NUP50: variants seen among roughly 807,000 people sequenced by gnomAD.
The protein encoded by NUP50 is nucleoporin 50, also known as nuclear pore complex protein Nup50.
A neutral mutation model predicts 36.8 loss-of-function variants in NUP50; 14 were observed. That is an observed-to-expected ratio of 0.38 (90% CI 0.25 to 0.59). NUP50 has a LOEUF of 0.59. Ranked by LOEUF, NUP50 falls within the 20% of genes least tolerant of loss-of-function variation. The probability of loss-of-function intolerance (pLI) is 0.63; values close to 1 mark genes in which losing one functional copy is unlikely to be tolerated. For synonymous variants in NUP50, 195 were observed against 210.8 expected, an observed-to-expected ratio of 0.93 and a Z score of 0.65; for missense variants, 455 against 564.6, an observed-to-expected ratio of 0.81 and a Z score of 1.97.
chr22:45,169,516 C>G (rs963214326), intron 2 of NUP50, among the ~76,000 whole-genome samples: 17 of 152,316 alleles, frequency 1.1e-4, no homozygotes, highest in African/African-American at 4.1e-4. Context: ...AAATTAGATA[C>G]AGAGATGATC....
rs1211394069 is a variant in NUP50, at chr22:45,186,454, T to G, written c.*1799T>G. Reference sequence around the variant, plus strand: ...AGAACTAAGGGGAACAAATTTAAGTTTGTTGCAACTTAGCCACACATGCTT... The same window carrying G: ...AGAACTAAGGGGAACAAATTTAAGTGTGTTGCAACTTAGCCACACATGCTT... On this transcript the variant is annotated 3_prime_UTR_variant, in exon 8 of 8. Coordinates refer to ENST00000347635, the MANE Select transcript of NUP50 (RefSeq NM_007172.4). The G allele has an allele frequency of 6.6e-6, 1 of 152,230 alleles. No individual in the cohort carries two copies. The highest frequency in any genetic ancestry group is 1.5e-5 in the Non-Finnish European group (1 of 68,040). 9.4% of individuals were successfully genotyped at this position (152,230 alleles called of 1,614,324 possible).
chr22:45,181,975 C>T (rs1221251523), intron 6 of NUP50, among the ~76,000 whole-genome samples: 5 of 152,136 alleles, frequency 3.3e-5, no homozygotes, highest in African/African-American at 1.2e-4. Flanking sequence ...CAAAAATTTC[C>T]GAATAATGAG....
At chr22:45,174,048 C>T (rs2074238599) in intron 3 of NUP50, among the ~76,000 whole-genome samples, 1 of 152,040 alleles carries the variant, frequency 6.6e-6, no homozygotes, top group South Asian at 2.1e-4. Context: ...ATCATCTTGC[C>T]CTATGGAAGA....
At position 45,178,530 on chromosome 22, in the gene NUP50, A is replaced by G. The variant is rs771867044; in HGVS notation, c.633A>G (p.Glu211=). The G allele has an allele frequency of 6.2e-6, 10 of 1,611,980 alleles. No individual in the cohort carries two copies. Among genetic ancestry groups the G allele is most frequent in the South Asian group, 2.2e-5 (2 of 90,996 alleles). The stretch of plus-strand genomic sequence containing the variant: ...ACAGTGGCAGGAATTCTGAAAGTGA[A>G]TCTAACAAAGTGGCAGCTGAAACAC... ...HGNSGRNSES[E]SNKVAAETQS... The change falls in exon 5 of 8, where the codon GAA becomes GAG. Residue 211 remains glutamate (E), a synonymous_variant. Coordinates refer to ENST00000347635, the MANE Select transcript of NUP50 (RefSeq NM_007172.4).
At chr22:45,176,656 G>T (rs759212121) in intron 4 of NUP50, among the ~76,000 whole-genome samples, 8 of 152,298 alleles carry the variant, frequency 5.3e-5, no homozygotes, top group Middle Eastern at 3.4e-3. Flanking sequence ...GTATTTAGCT[G>T]ATTATTCTGA....
chr22:45,175,859 A>G (rs1345598194), intron 3 of NUP50, 35 bp from the exon 4 acceptor site: 5 of 1,608,230 alleles, frequency 3.1e-6, no homozygotes, highest in East Asian at 2.2e-5. Context: ...TAGAAAGTAC[A>G]CTTACCTAAT....
chr22:45,172,455 A>T (rs1311634145), intron 3 of NUP50, among the ~76,000 whole-genome samples: 1 of 152,218 alleles, frequency 6.6e-6, no homozygotes, highest in Non-Finnish European at 1.5e-5. Flanking sequence ...CACCAACGTG[A>T]TGCTCCAAGG....
In NUP50 at chr22:45,178,908, C is replaced by T; in HGVS notation, c.1003+8C>T. The T allele has an allele frequency of 6.3e-7, 1 of 1,595,216 alleles. No homozygotes were observed. Among genetic ancestry groups the T allele is most frequent in the South Asian group, 1.1e-5 (1 of 88,058 alleles). On this transcript the variant is annotated splice_region_variant and intron_variant, in intron 5 of 7. Coordinates refer to ENST00000347635, the MANE Select transcript of NUP50 (RefSeq NM_007172.4). ...ACAGTGGTGAATGCAAAGGTAAGTA[C>T]CAGCTTTGTCGTTGAGTCGAGGTTT... is the stretch of plus-strand genomic sequence containing the variant.
In NUP50 at chr22:45,176,006, C is replaced by G. The variant is rs188476933; in HGVS notation, c.266C>G (p.Ser89Trp). The G allele has an allele frequency of 6.2e-7, 1 of 1,614,042 alleles. No homozygotes were observed. The highest frequency in any genetic ancestry group is 1.7e-5 in the Admixed American group (1 of 59,992). The change falls in exon 4 of 8, where the codon TCG becomes TGG. Residue 89 changes from serine (S) to tryptophan (W), a missense_variant. Physicochemically the swap from Ser to Trp is radical, Grantham distance 177. This residue lies in a region of NUP50 where 166 missense variants were observed against 202.8 expected (regional missense o/e 0.82). Coordinates refer to ENST00000347635, the MANE Select transcript of NUP50 (RefSeq NM_007172.4). Reference sequence around the variant, plus strand: ...GGAGGGAAGCCTTTGGAAGGACTGTCGAATGGAAACAACATAACCAGTGCC... The same window carrying G: ...GGAGGGAAGCCTTTGGAAGGACTGTGGAATGGAAACAACATAACCAGTGCC... ...GAGGKPLEGL[S>W]NGNNITSAPP...
intron 7 of NUP50, 185 bp from the exon 8 acceptor site, chr22:45,184,268 G>T: frequency 1.6e-6 from 1 of 611,878 alleles, no homozygotes; most frequent in Non-Finnish European, 2.9e-6. Context: ...TCCTCACAGT[G>T]AGGGCAAGTG....
rs2083451905 is a variant in NUP50 at position 45,186,768 on chromosome 22, A to ATACC, written c.*2114_*2117dup. 2.0e-5 allele frequency: 3 copies of ATACC among 152,800 alleles called. No homozygotes were observed. The highest frequency in any genetic ancestry group is 3.9e-4 in the East Asian group (2 of 5,194). The allele number at this position is 152,800 out of a possible 1,614,324, so 9.5% of individuals were successfully genotyped here. ...AATTACAGGGAAAAATGTGATGAAT[A>ATACC]TACCGTAACTCAAAATGTGATATTT... On this transcript the variant is annotated 3_prime_UTR_variant, in exon 8 of 8. Coordinates refer to ENST00000347635, the MANE Select transcript of NUP50 (RefSeq NM_007172.4).
chr22:45,174,963 AT>A (rs757710052), intron 3 of NUP50, among the ~76,000 whole-genome samples: 84 of 146,790 alleles, frequency 5.7e-4, no homozygotes, highest in East Asian at 3.5e-3. Flanking sequence ...TTCCAGTTTA[AT>A]TTTTTTTTTT....
At chr22:45,181,152 T>A (rs2074364959) in intron 5 of NUP50, 134 bp from the exon 6 acceptor site, 1 of 93,436 alleles carries the variant, frequency 1.1e-5, no homozygotes, top group East Asian at 4.8e-4. Flanking sequence ...CCCCCCCCAT[T>A]AAGTGTGCAT....
chr22:45,184,834 C>T lies in NUP50; in HGVS notation c.*179C>T. 1.6e-6 allele frequency: 1 copy of T among 617,326 alleles called. No individual in the cohort carries two copies. Among genetic ancestry groups the T allele is most frequent in the Non-Finnish European group, 2.9e-6 (1 of 341,356 alleles). 38.2% of individuals were successfully genotyped at this position (617,326 alleles called of 1,614,324 possible). ...TTAAATGTTAAGTGTCAAGAAACTG[C>T]ACTCTCCCTTCTTAAGAACTGCCTA... On this transcript the variant is annotated 3_prime_UTR_variant, in exon 8 of 8. Transcript: ENST00000347635.
intron 2 of NUP50, 127 bp from the exon 3 acceptor site, chr22:45,171,473 T>G (rs532792265): frequency 1.1e-6 from 1 of 879,132 alleles, no homozygotes; most frequent in East Asian, 2.6e-5. Flanking sequence ...CAAGCCATTG[T>G]GCCTGGCCAA....
At position 45,178,282 on chromosome 22, in the gene NUP50, T is replaced by G. The variant is rs755010707; in HGVS notation, c.385T>G (p.Ser129Ala). The change falls in exon 5 of 8, where the codon TCA becomes GCA. Residue 129 changes from serine to alanine, a missense_variant. Around this residue, in one of 3 missense-constraint regions of NUP50, gnomAD observed 166 missense variants for 202.8 expected, o/e 0.82. Coordinates refer to ENST00000347635, the MANE Select transcript of NUP50 (RefSeq NM_007172.4). ...NGPTTLVDKV[S>A]NPKTNGDSQQ... ...CCCTACCACCTTGGTTGATAAAGTT[T>G]CAAATCCCAAAACTAATGGGGACAG... 35 of 1,613,898 alleles carry G rather than the reference T, an allele frequency of 2.2e-5. No homozygotes were observed. Among genetic ancestry groups the G allele is most frequent in the Non-Finnish European group, 2.8e-5 (33 of 1,179,878 alleles).
At chr22:45,177,356 T>C (rs192340959) in intron 4 of NUP50, among the ~76,000 whole-genome samples, 3 of 152,234 alleles carry the variant, frequency 2.0e-5, no homozygotes, top group East Asian at 1.9e-4. Flanking sequence ...AATTTTTACA[T>C]TTTTTGTAGA....
At chr22:45,171,161 C>A in intron 2 of NUP50, 2 of 1,183,916 alleles carry the variant, frequency 1.7e-6, no homozygotes, top group Non-Finnish European at 2.1e-6. Flanking sequence ...GGGCAGGACT[C>A]ATCTTAAAAA....
intron 5 of NUP50, among the ~76,000 whole-genome samples, chr22:45,180,558 G>C (rs1192969728): frequency 6.6e-6 from 1 of 152,120 alleles, no homozygotes; most frequent in African/African-American, 2.4e-5. Flanking sequence ...ATTTTTTGTA[G>C]AGATGGGGGG....
Sources: allele counts gnomAD v4.1 joint callset (sites outside exome capture counted in the v4.1 genomes callset), GRCh38; gene constraint gnomAD v4.1.1; regional missense constraint gnomAD v4.1.1; transcripts MANE v1.5; gene names NCBI Gene and HGNC (gene_info 2026-07-23, HGNC 2026-07-21).